The following TIA1 variants were observed in gnomAD, a reference collection of about 807,000 sequenced individuals.
TIA1 encodes the protein TIA1 cytotoxic granule associated RNA binding protein, also known as cytotoxic granule associated RNA binding protein TIA1.
In TIA1, 23 loss-of-function variants were observed where a neutral mutation model predicts 65.9. That is an observed-to-expected ratio of 0.35 (90% CI 0.25 to 0.49). The LOEUF (loss-of-function observed/expected upper bound fraction) is 0.49, where lower values mean the gene tolerates loss of function less well. Among genes scored for constraint, TIA1 ranks in the 20% least tolerant of loss-of-function variants. The pLI, the probability that TIA1 is intolerant of heterozygous loss-of-function variation, is 0.98. For missense variants in TIA1, 371 were observed against 477.9 expected (o/e 0.78, Z 2.09); for synonymous variants, 147 against 149.4 (o/e 0.98, Z 0.12).
chr2:70,230,273 CAT>C (rs1685634329), intron 3 of TIA1, among the ~76,000 whole-genome samples: 1 of 150,204 alleles, frequency 6.7e-6, no homozygotes, highest in Non-Finnish European at 1.5e-5. Flanking sequence ...AAAATACTAA[CAT>C]AAACACAAGC....
chr2:70,219,421 G>GT (rs1680191824), intron 7 of TIA1, among the ~76,000 whole-genome samples: 1 of 152,056 alleles, frequency 6.6e-6, no homozygotes, highest in Admixed American at 6.5e-5. Context: ...CACATCAAAG[G>GT]TAAGCTTAAT....
At chr2:70,215,715 TCA>T (rs1448137686) in intron 10 of TIA1, 9 of 478,182 alleles carry the variant, frequency 1.9e-5, no homozygotes, top group South Asian at 1.4e-4. Context: ...AGCTATAAAA[TCA>T]CAGAGGCAAA....
In TIA1 at chr2:70,216,405, T is replaced by C. The variant is rs1458707805; in HGVS notation, c.678A>G (p.Thr226=). The C allele has an allele frequency of 1.2e-6, 2 of 1,610,798 alleles. No individual in the cohort carries two copies. ...VYCGGVTSGL[T]EQLMRQTFSP... ...GCCACACAGGGAAGGCTCCCATACC[T>C]GTTAGCCCAGAAGTAACACCTCCAC... is the stretch of plus-strand genomic sequence containing the variant. Residue 226 remains threonine, a splice_region_variant and synonymous_variant, in exon 9 of 13, where the codon ACA becomes ACG. Transcript: ENST00000433529.
chr2:70,220,940 C>T (rs1463801705), intron 7 of TIA1, among the ~76,000 whole-genome samples: 4 of 151,312 alleles, frequency 2.6e-5, no homozygotes, highest in Non-Finnish European at 4.4e-5. Context: ...CCAAGGCGGG[C>T]GGACTGGTGG....
intron 1 of TIA1, among the ~76,000 whole-genome samples, chr2:70,242,400 T>G (rs1418985036): frequency 7.5e-6 from 1 of 134,074 alleles, no homozygotes; most frequent in Non-Finnish European, 1.5e-5. Flanking sequence ...AGTGTGATGG[T>G]GGGCGAGAGA....
At chr2:70,212,988 G>T in intron 12 of TIA1, 143 bp from the exon 13 acceptor site, 2 of 588,810 alleles carry the variant, frequency 3.4e-6, no homozygotes, top group South Asian at 4.5e-5. Flanking sequence ...TTTATGCTAG[G>T]GAAAATGAAA....
In TIA1 at chr2:70,229,297, T is replaced by C. The variant is rs756955951; in HGVS notation, c.244A>G (p.Thr82Ala). 1.9e-6 allele frequency: 3 copies of C among 1,613,124 alleles called. No homozygotes were observed. Among genetic ancestry groups the C allele is most frequent in the East Asian group, 2.2e-5 (1 of 44,828 alleles). ...MGKEVKVNWA[T>A]TPSSQKKDTS... Reference sequence around the variant, plus strand: ...TCTTTCTTTTGACTGCTAGGGGTTGTTGCCCAATTCACTTTGACTTCCTAA... The same window carrying C: ...TCTTTCTTTTGACTGCTAGGGGTTGCTGCCCAATTCACTTTGACTTCCTAA... The change falls in exon 4 of 13, where the codon ACA (threonine) becomes GCA (alanine). Residue 82 changes from threonine to alanine, a missense_variant. Coordinates refer to ENST00000433529, the MANE Select transcript of TIA1 (RefSeq NM_022173.4).
At chr2:70,219,139 C>G (rs1390701846) in intron 7 of TIA1, among the ~76,000 whole-genome samples, 1 of 152,078 alleles carries the variant, frequency 6.6e-6, no homozygotes, top group Non-Finnish European at 1.5e-5. Context: ...ACTGAAGATA[C>G]AAAATTCATG....
intron 7 of TIA1, among the ~76,000 whole-genome samples, chr2:70,218,675 C>T (rs1003199199): frequency 3.3e-5 from 5 of 152,148 alleles, no homozygotes; most frequent in Non-Finnish European, 5.9e-5. Context: ...CCTCGTGATC[C>T]GCCTGCCTTG....
At chr2:70,223,818 C>T (rs894873732) in intron 7 of TIA1, among the ~76,000 whole-genome samples, 1 of 152,100 alleles carries the variant, frequency 6.6e-6, no homozygotes, top group African/African-American at 2.4e-5. Flanking sequence ...GTATTTATCT[C>T]AAACTTCTCA....
chr2:70,214,334 A>T lies in TIA1; in HGVS notation c.1034+15T>A. ...TTTTCAAAGGTTAGTAAAGGAAGAC[A>T]TAAGATATGCTTACTTAAATCCTTG... On this transcript the variant is annotated intron_variant, in intron 12 of 12. Coordinates refer to ENST00000433529, the MANE Select transcript of TIA1 (RefSeq NM_022173.4). 1.2e-6 allele frequency: 2 copies of T among 1,601,720 alleles called. No homozygotes were observed. The highest frequency in any genetic ancestry group is 8.5e-7 in the Non-Finnish European group (1 of 1,176,398).
At chr2:70,227,352 AAT>A (rs911215370) in intron 6 of TIA1, among the ~76,000 whole-genome samples, 1 of 152,120 alleles carries the variant, frequency 6.6e-6, no homozygotes, top group African/African-American at 2.4e-5. Flanking sequence ...TTTTTGTTAA[AAT>A]ATATTAACAC....
At chr2:70,225,957 G>A (rs1297124446) in intron 6 of TIA1, among the ~76,000 whole-genome samples, 1 of 152,082 alleles carries the variant, frequency 6.6e-6, no homozygotes, top group Non-Finnish European at 1.5e-5. Flanking sequence ...GCACTTTTTA[G>A]AGAATATCAT....
At position 70,212,662 on chromosome 2, in the gene TIA1, G is replaced by T; in HGVS notation, c.*57C>A. ...TTGATAAATCTTTAAGTAAACAACG[G>T]CTTTACTACACTCCCTGTAGCCTCA... On this transcript the variant is annotated 3_prime_UTR_variant, in exon 13 of 13. Coordinates refer to ENST00000433529, the MANE Select transcript of TIA1 (RefSeq NM_022173.4). 1 of 1,034,346 alleles carries T rather than the reference G, an allele frequency of 9.7e-7. No individual in the cohort carries two copies. Among genetic ancestry groups the T allele is most frequent in the Non-Finnish European group, 1.5e-6 (1 of 652,446 alleles). 64.1% of individuals were successfully genotyped at this position (1,034,346 alleles called of 1,614,324 possible). A position where few individuals can be genotyped will look rare whatever the true frequency, so the allele number is the denominator to read the frequency against.
At chr2:70,244,793 C>A (rs981886227) in intron 1 of TIA1, among the ~76,000 whole-genome samples, 1 of 141,700 alleles carries the variant, frequency 7.1e-6, no homozygotes, top group Non-Finnish European at 1.5e-5. Flanking sequence ...CAAGATTGGG[C>A]CACTGCATTC....
intron 7 of TIA1, among the ~76,000 whole-genome samples, chr2:70,223,179 C>T (rs893477169): frequency 1.3e-5 from 2 of 152,170 alleles, no homozygotes; most frequent in Admixed American, 1.3e-4. Context: ...ACTAAAACAT[C>T]CTAAAACCTA....
intron 6 of TIA1, chr2:70,224,867 CTCTT>C (rs1683130930): frequency 8.1e-7 from 1 of 1,240,902 alleles, no homozygotes; most frequent in South Asian, 2.8e-5. Context: ...AATTGCCTCT[CTCTT>C]CAAAAAACTT....
intron 3 of TIA1, 133 bp from the exon 4 acceptor site, chr2:70,229,451 C>G (rs1558852554): frequency 1.4e-6 from 1 of 718,824 alleles, no homozygotes; most frequent in East Asian, 2.6e-5. Flanking sequence ...GGTCAAGTTT[C>G]AACACTTAAT....
chr2:70,221,739 T>C (rs976968518), intron 7 of TIA1, among the ~76,000 whole-genome samples: 1 of 152,134 alleles, frequency 6.6e-6, no homozygotes, highest in African/African-American at 2.4e-5. Flanking sequence ...ATTTTGGTAA[T>C]AGTTGCACAA....
Sources: gnomAD v4.1 joint callset for allele counts (sites outside exome capture counted in the v4.1 genomes callset) on GRCh38, gnomAD v4.1.1 for gene constraint, MANE v1.5 for transcripts, NCBI Gene and HGNC (gene_info 2026-07-23, HGNC 2026-07-21) for gene names.